The following ARFGEF1 variants were observed in gnomAD, a reference collection of about 807,000 sequenced individuals.
ARFGEF1 encodes brefeldin A-inhibited guanine nucleotide-exchange protein 1.
A neutral mutation model predicts 231.0 loss-of-function variants in ARFGEF1; 42 were observed. The observed-to-expected ratio is 0.18, with a 90% CI of 0.14 to 0.24. ARFGEF1 has a LOEUF of 0.24. ARFGEF1 is among the 10% of genes least tolerant of loss of function. The pLI, the probability that ARFGEF1 is intolerant of heterozygous loss-of-function variation, is 1.00. For missense variants in ARFGEF1, 1,345 were observed against 2,192.0 expected (o/e 0.61, Z 7.72); for synonymous variants, 710 against 732.3 (o/e 0.97, Z 0.49).
At chr8:67,238,544 CA>C in intron 21 of ARFGEF1, 51 bp from the exon 22 acceptor site, 1 of 1,539,006 alleles carries the variant, frequency 6.5e-7, no homozygotes, top group Middle Eastern at 1.7e-4. Flanking sequence ...AAAATATCTT[CA>C]AAAAGATTTA....
intron 2 of ARFGEF1, 32 bp downstream of exon 2, chr8:67,302,401 AATT>A: frequency 6.5e-7 from 1 of 1,541,854 alleles, no homozygotes; most frequent in Non-Finnish European, 8.7e-7. Flanking sequence ...CAAGTTTGAA[AATT>A]ATTTTTACTA....
At chr8:67,282,473 A>AT (rs1805574300) in intron 7 of ARFGEF1, among the ~76,000 whole-genome samples, 1 of 152,196 alleles carries the variant, frequency 6.6e-6, no homozygotes, top group Non-Finnish European at 1.5e-5. Context: ...GGTAAAATCC[A>AT]TTTTCAGCAA....
intron 5 of ARFGEF1, among the ~76,000 whole-genome samples, chr8:67,190,253 A>G (rs772900440): frequency 6.6e-6 from 1 of 152,238 alleles, no homozygotes; most frequent in Non-Finnish European, 1.5e-5. Context: ...AAAATGTAAT[A>G]AACAACTTAA....
At chr8:67,290,888 C>T (rs969914037) in intron 6 of ARFGEF1, among the ~76,000 whole-genome samples, 3 of 151,818 alleles carry the variant, frequency 2.0e-5, no homozygotes, top group Non-Finnish European at 4.4e-5. Flanking sequence ...AAGCATGCCT[C>T]TCAGAAAGCT....
At chr8:67,241,227 T>C (rs538432950) in intron 19 of ARFGEF1, among the ~76,000 whole-genome samples, 54 of 152,304 alleles carry the variant, frequency 3.5e-4, no homozygotes, top group Admixed American at 1.2e-3. Flanking sequence ...ACATAAGTCA[T>C]AGAACCTAGG....
At chr8:67,337,086 G>A (rs1449775457) in intron 1 of ARFGEF1, among the ~76,000 whole-genome samples, 2 of 126,866 alleles carry the variant, frequency 1.6e-5, no homozygotes, top group Non-Finnish European at 3.1e-5. Context: ...CCAGGATCGC[G>A]CCACTGCACT....
At chr8:67,222,224 T>TACACACACAC in intron 29 of ARFGEF1, among the ~76,000 whole-genome samples, 3 of 92,480 alleles carry the variant, frequency 3.2e-5, no homozygotes, top group African/African-American at 1.3e-4. Context: ...TATATATATA[T>TACACACACAC]GTATATGTAT....
chr8:67,304,013 T>C (rs1806623418), intron 1 of ARFGEF1, among the ~76,000 whole-genome samples: 1 of 152,202 alleles, frequency 6.6e-6, no homozygotes, highest in Non-Finnish European at 1.5e-5. Context: ...TAATCAGGTT[T>C]CAATATTAGG....
intron 4 of ARFGEF1, 71 bp from the exon 5 acceptor site, chr8:67,296,681 C>T (rs903514957): frequency 2.3e-5 from 29 of 1,260,252 alleles, no homozygotes; most frequent in African/African-American, 2.0e-4. Flanking sequence ...CAGTCTTTCT[C>T]GCTCTGTCAC....
chr8:67,277,144 C>T (rs1049116635), intron 8 of ARFGEF1, 138 bp downstream of exon 8: 21 of 846,426 alleles, frequency 2.5e-5, no homozygotes, highest in Non-Finnish European at 3.7e-5. Context: ...GAAAAAAAAC[C>T]CCAAGTTTCT....
chr8:67,236,366 ATATATATATATATATATAT>A lies in ARFGEF1; in HGVS notation c.3289+1958_3289+1976del, dbSNP rs1445979165. Among the ~76,000 whole-genome samples, 87 of 17,726 alleles carry A rather than the reference ATATATATATATATATATAT, an allele frequency of 4.9e-3. 5 individuals are homozygous for A. Among genetic ancestry groups the A allele is most frequent in the African/African-American group, 9.9e-3 (47 of 4,738 alleles). The allele number at this position is 17,726 out of a possible 152,430, so 11.6% of individuals were successfully genotyped here. A position where few individuals can be genotyped will look rare whatever the true frequency, so the allele number is the denominator to read the frequency against. ...ATATTAGTTAAAAAAAAAAAAAAAA[ATATATATATATATATATAT>A]ATATATATATATATATATATATATA... On this transcript the variant is annotated intron_variant, in intron 22 of 38. Transcript: ENST00000262215.
At chr8:67,269,975 G>C (rs1365313292) in intron 10 of ARFGEF1, among the ~76,000 whole-genome samples, 1 of 152,070 alleles carries the variant, frequency 6.6e-6, no homozygotes, top group Non-Finnish European at 1.5e-5. Flanking sequence ...TACAGAAGCA[G>C]AATCTCAGTG....
At chr8:67,283,340 A>AT (rs1248866119) in intron 7 of ARFGEF1, among the ~76,000 whole-genome samples, 2 of 152,146 alleles carry the variant, frequency 1.3e-5, no homozygotes, top group Non-Finnish European at 2.9e-5. Context: ...AATAATCTAA[A>AT]TGCTAGTATT....
intron 1 of ARFGEF1, among the ~76,000 whole-genome samples, chr8:67,323,046 G>A (rs1331270969): frequency 6.6e-6 from 1 of 152,116 alleles, no homozygotes; most frequent in African/African-American, 2.4e-5. Context: ...GAGGTCAAGA[G>A]TTTGAGACCA....
At chr8:67,196,804 A>G (rs1587006332), downstream of ARFGEF1, among the ~76,000 whole-genome samples, 1 of 152,184 alleles carries the variant, frequency 6.6e-6, no homozygotes, top group East Asian at 1.9e-4. Flanking sequence ...TTACCCTCAC[A>G]CGGCAAGGTC....
Position 67,219,510 on chromosome 8 carries a change from T to C in ARFGEF1, c.4259A>G (p.Glu1420Gly). Reference protein sequence around the residue: ...EIMKTYGHTYEKHWWQDLFRI... With the variant: ...EIMKTYGHTYGKHWWQDLFRI... ...AAATAAATCCTGCCACCAGTGTTTC[T>C]CATAAGTGTGGCCATATGTTTTCAT... Residue 1420 changes from glutamate to glycine, a missense_variant, in exon 30 of 39, where the codon GAG becomes GGG. This residue lies in a region of ARFGEF1 where 18 missense variants were observed against 63.5 expected (regional missense o/e 0.28). Transcript: ENST00000262215. 6.2e-7 allele frequency: 1 copy of C among 1,612,032 alleles called. No homozygotes were observed. The highest frequency in any genetic ancestry group is 8.5e-7 in the Non-Finnish European group (1 of 1,179,000).
chr8:67,262,912 T>C (rs893088662), intron 14 of ARFGEF1, among the ~76,000 whole-genome samples: 1 of 152,194 alleles, frequency 6.6e-6, no homozygotes. Flanking sequence ...AAAAATGGTG[T>C]GACTCACTAT....
rs1199237274 is a variant in ARFGEF1 at position 67,228,284 on chromosome 8, A to G, written c.3381-20T>C. On this transcript the variant is annotated intron_variant, in intron 23 of 38. Coordinates refer to ENST00000262215, the MANE Select transcript of ARFGEF1 (RefSeq NM_006421.5). ...AATATTCTAGGGAAAATAAAACACA[A>G]TTTAAAAAATTTATAAGTTACTGTT... 6.3e-7 allele frequency: 1 copy of G among 1,589,832 alleles called. No homozygotes were observed. Among genetic ancestry groups the G allele is most frequent in the East Asian group, 2.2e-5 (1 of 44,690 alleles).
chr8:67,195,055 A>C (rs536595185), downstream of ARFGEF1, among the ~76,000 whole-genome samples: 11 of 152,342 alleles, frequency 7.2e-5, no homozygotes, highest in East Asian at 2.1e-3. Flanking sequence ...ACAAAATAAG[A>C]CTACCTACAT....
Sources: allele counts gnomAD v4.1 joint callset (sites outside exome capture counted in the v4.1 genomes callset), GRCh38; gene constraint gnomAD v4.1.1; regional missense constraint gnomAD v4.1.1; transcripts MANE v1.5; gene names NCBI Gene and HGNC (gene_info 2026-07-23, HGNC 2026-07-21).